Variants in SLC2A1 observed in about 807,000 individuals in gnomAD.
SLC2A1 encodes solute carrier family 2 member 1.
Under a neutral mutation model 46.6 loss-of-function variants are expected in SLC2A1, and 4 were observed. The observed-to-expected ratio is 0.09, with a 90% CI of 0.04 to 0.20. The LOEUF (loss-of-function observed/expected upper bound fraction) is 0.20, where lower values mean the gene tolerates loss of function less well. SLC2A1 is among the 10% of genes least tolerant of loss of function. SLC2A1 has a pLI of 1.00. For synonymous variants in SLC2A1, 253 were observed against 270.0 expected (o/e 0.94, Z 0.62); for missense variants, 352 against 667.0 (o/e 0.53, Z 5.20).
intron 2 of SLC2A1, among the ~76,000 whole-genome samples, chr1:42,936,697 G>A (rs527358109): frequency 5.9e-5 from 9 of 152,238 alleles, no homozygotes; most frequent in Admixed American, 2.6e-4. Context: ...TCCCACTGCC[G>A]TGGCCACACC....
At position 42,929,398 on chromosome 1, in the gene SLC2A1, A is replaced by G. The variant is rs1643462680; in HGVS notation, c.868-84T>C. 8.3e-7 allele frequency: 1 copy of G among 1,210,548 alleles called. No homozygotes were observed. Among genetic ancestry groups the G allele is most frequent in the South Asian group, 1.3e-5 (1 of 78,250 alleles). The allele number at this position is 1,210,548 out of a possible 1,614,324, so 75.0% of individuals were successfully genotyped here. A position where few individuals can be genotyped will look rare whatever the true frequency, so the allele number is the denominator to read the frequency against. On this transcript the variant is annotated intron_variant, in intron 6 of 9. Coordinates refer to ENST00000426263, the MANE Select transcript of SLC2A1 (RefSeq NM_006516.4). The surrounding 1 kb of genome is among the most constrained non-coding windows in gnomAD (Gnocchi z 6.0). ...TGTAGCAGTGGATGTGGGACCCAGG[A>G]TGAGTAAAGAATGAAGGGGACAAAT...
intron 1 of SLC2A1, among the ~76,000 whole-genome samples, chr1:42,950,432 C>T (rs745780608): frequency 2.6e-5 from 4 of 152,210 alleles, no homozygotes; most frequent in Non-Finnish European, 4.4e-5. Context: ...CCTAAATAAC[C>T]GAAAAGGTAT....
At chr1:42,957,243 C>T (rs1256558162) in intron 1 of SLC2A1, among the ~76,000 whole-genome samples, 1 of 152,236 alleles carries the variant, frequency 6.6e-6, no homozygotes, top group East Asian at 1.9e-4. Context: ...TTATATCCCA[C>T]CCTTACGGCT....
intron 2 of SLC2A1, among the ~76,000 whole-genome samples, chr1:42,932,051 T>G (rs567384758): frequency 1.3e-5 from 2 of 152,236 alleles, no homozygotes; most frequent in Admixed American, 1.3e-4. Flanking sequence ...AACTCACACA[T>G]GTCACCCTTC....
chr1:42,930,903 T>G lies in SLC2A1; in HGVS notation c.276-37A>C, dbSNP rs776166567. The G allele has an allele frequency of 6.2e-7, 1 of 1,602,846 alleles. No individual in the cohort carries two copies. The highest frequency in any genetic ancestry group is 8.5e-7 in the Non-Finnish European group (1 of 1,179,836). ...GTCACAGGTCAGGCCAGTGCCCACA[T>G]TCCTTGGGCTCCGAGGGGCTGGGTC... On this transcript the variant is annotated intron_variant, in intron 3 of 9. Coordinates refer to ENST00000426263, the MANE Select transcript of SLC2A1 (RefSeq NM_006516.4). This position sits in a 1 kb window ranked among gnomAD's most constrained non-coding sequence, Gnocchi z 6.2.
In SLC2A1 at chr1:42,926,069, C is replaced by A. The variant is rs1363713151; in HGVS notation, c.*972G>T. The A allele has an allele frequency of 6.6e-6, 1 of 152,568 alleles. No homozygotes were observed. Among genetic ancestry groups the A allele is most frequent in the Non-Finnish European group, 1.5e-5 (1 of 68,058 alleles). The allele number at this position is 152,568 out of a possible 1,614,324, so 9.5% of individuals were successfully genotyped here. ...ACTGGATCCTGAGTCGAAGTCTAAG[C>A]CGTTGCAGTGGTTGCAACCCCACTT... On this transcript the variant is annotated 3_prime_UTR_variant, in exon 10 of 10. Coordinates refer to ENST00000426263, the MANE Select transcript of SLC2A1 (RefSeq NM_006516.4).
chr1:42,938,760 C>T (rs948517957), intron 2 of SLC2A1, among the ~76,000 whole-genome samples: 1 of 152,348 alleles, frequency 6.6e-6, no homozygotes, highest in African/African-American at 2.4e-5. Flanking sequence ...CAGACACCTG[C>T]CCCTCCTGCC....
chr1:42,938,299 G>A (rs1202081076), intron 2 of SLC2A1, among the ~76,000 whole-genome samples: 2 of 152,292 alleles, frequency 1.3e-5, no homozygotes, highest in Non-Finnish European at 2.9e-5. Flanking sequence ...GCAGGGCAGG[G>A]GCAGTGTGCA....
chr1:42,951,753 C>T lies in SLC2A1; in HGVS notation c.18+6881G>A, dbSNP rs1054057. ...GGATGCCAGGACCTGGTAGGCCCCA[C>T]ACACTGCCTGCTAGGCCCTGGACTG... On this transcript the variant is annotated intron_variant, in intron 1 of 9. Transcript: ENST00000426263. The T allele has an allele frequency of 0.097, 38,470 of 398,054 alleles. 2,132 individuals are homozygous for T. Among genetic ancestry groups the T allele is most frequent in the Admixed American group, 0.17 (3,794 of 22,676 alleles). The allele number at this position is 398,054 out of a possible 1,614,324, so 24.7% of individuals were successfully genotyped here. A position where few individuals can be genotyped will look rare whatever the true frequency, so the allele number is the denominator to read the frequency against.
chr1:42,934,086 A>G (rs1403389522), intron 2 of SLC2A1, among the ~76,000 whole-genome samples: 2 of 152,214 alleles, frequency 1.3e-5, no homozygotes, highest in African/African-American at 2.4e-5. Flanking sequence ...GGTGCTAAGT[A>G]AGGCTTGAAA....
chr1:42,956,823 G>A (rs1482150917), intron 1 of SLC2A1, among the ~76,000 whole-genome samples: 9 of 152,202 alleles, frequency 5.9e-5, no homozygotes, highest in Non-Finnish European at 1.0e-4. Context: ...GAGAGACAGT[G>A]GAGACAGAAA....
chr1:42,925,760 T>C lies in SLC2A1; in HGVS notation c.*1281A>G, dbSNP rs1057515458. On this transcript the variant is annotated 3_prime_UTR_variant, in exon 10 of 10. Coordinates refer to ENST00000426263, the MANE Select transcript of SLC2A1 (RefSeq NM_006516.4). ...ATGGAGTAGTGGTTGTATGGTACCA[T>C]TGTTAAAAGCAGGTGTTTTAGCTTA... 5 of 152,164 alleles carry C rather than the reference T, an allele frequency of 3.3e-5. No homozygotes were observed. Among genetic ancestry groups the C allele is most frequent in the African/African-American group, 7.2e-5 (3 of 41,424 alleles). 9.4% of individuals were successfully genotyped at this position (152,164 alleles called of 1,614,324 possible).
intron 1 of SLC2A1, among the ~76,000 whole-genome samples, chr1:42,952,841 C>A (rs767828697): frequency 7.9e-5 from 12 of 152,214 alleles, no homozygotes; most frequent in Non-Finnish European, 1.3e-4. Flanking sequence ...AGCAGAGGTG[C>A]TTATGGCTAG....
intron 2 of SLC2A1, among the ~76,000 whole-genome samples, chr1:42,937,151 G>A (rs989305620): frequency 3.3e-5 from 5 of 152,326 alleles, no homozygotes; most frequent in Admixed American, 6.5e-5. Context: ...GTGCTTGCTC[G>A]CATTTCCATC....
Position 42,938,036 on chromosome 1 carries a change from A to T in SLC2A1, c.114+5190T>A, listed in dbSNP as rs145514035. Among the ~76,000 whole-genome samples, 84 of 152,202 alleles carry T rather than the reference A, an allele frequency of 5.5e-4. 2 individuals are homozygous for T. The East Asian group carries it at 0.014, about 26-fold the overall frequency. On this transcript the variant is annotated intron_variant, in intron 2 of 9. Transcript: ENST00000426263. ...CTGGCCCAAACTCTGGATTCTGAGGATGCCTTATTCTCAGACATGCCTGAC... is the reference window on the plus strand; with the variant it reads ...CTGGCCCAAACTCTGGATTCTGAGGTTGCCTTATTCTCAGACATGCCTGAC...
chr1:42,935,065 G>A (rs1013999784), intron 2 of SLC2A1, among the ~76,000 whole-genome samples: 12 of 152,062 alleles, frequency 7.9e-5, no homozygotes, highest in African/African-American at 2.9e-4. Flanking sequence ...CCCAGCTGTG[G>A]AGTCTGGGTG....
chr1:42,930,830 G>A lies in SLC2A1; in HGVS notation c.312C>T (p.Phe104=), dbSNP rs76672402. 62 of 1,600,828 alleles carry A rather than the reference G, an allele frequency of 3.9e-5. No individual in the cohort carries two copies. Among genetic ancestry groups the A allele is most frequent in the Non-Finnish European group, 5.0e-5 (59 of 1,179,944 alleles). The part of the protein sequence containing the change: ...NSMLMMNLLA[F]VSAVLMGFSK... ...AGAAGCCCATGAGCACGGCGGACAC[G>A]AAGGCCAGCAGGTTCATCATCAGCA... Residue 104 remains phenylalanine, a synonymous_variant, in exon 4 of 10, where the codon TTC becomes TTT. Transcript: ENST00000426263. The surrounding 1 kb of genome is among the most constrained non-coding windows in gnomAD (Gnocchi z 6.2).
At chr1:42,948,532 T>C (rs986107369) in intron 1 of SLC2A1, among the ~76,000 whole-genome samples, 9 of 152,170 alleles carry the variant, frequency 5.9e-5, no homozygotes, top group Non-Finnish European at 4.4e-5. Context: ...AGTCCACGGC[T>C]CAAAGGAGTG....
chr1:42,952,971 T>A (rs550690931), intron 1 of SLC2A1, among the ~76,000 whole-genome samples: 1 of 152,318 alleles, frequency 6.6e-6, no homozygotes, highest in South Asian at 2.1e-4. Context: ...CCCAGACAGC[T>A]AGCTCTCATC....
Sources: gnomAD v4.1 joint callset for allele counts (sites outside exome capture counted in the v4.1 genomes callset) on GRCh38, gnomAD v4.1.1 for gene constraint, Gnocchi (gnomAD v3.1) non-coding constraint, MANE v1.5 for transcripts, NCBI Gene and HGNC (gene_info 2026-07-23, HGNC 2026-07-21) for gene names.